ZNF92: variants seen among roughly 807,000 people sequenced by gnomAD.
The protein encoded by ZNF92 is epididymis luminal protein 203.
In ZNF92, 11 loss-of-function variants were observed where a neutral mutation model predicts 12.4. The observed-to-expected ratio is 0.89, with a 90% CI of 0.56 to 1.47. The LOEUF (loss-of-function observed/expected upper bound fraction) is 1.47. Ranked by LOEUF, ZNF92 falls within the 40% of genes most tolerant of loss-of-function variation. ZNF92 has a pLI of 0.00. For missense variants in ZNF92, 622 were observed against 681.0 expected, an observed-to-expected ratio of 0.91 and a Z score of 0.96; for synonymous variants, 206 against 228.6, an observed-to-expected ratio of 0.90 and a Z score of 0.89.
At chr7:65,395,842 A>T (rs1190125577) in intron 3 of ZNF92, among the ~76,000 whole-genome samples, 1 of 152,098 alleles carries the variant, frequency 6.6e-6, no homozygotes, top group African/African-American at 2.4e-5. Flanking sequence ...GATCTTTTTC[A>T]TTCTGTTACT....
chr7:65,384,744 A>C (rs951201674), intron 1 of ZNF92, among the ~76,000 whole-genome samples: 1 of 152,010 alleles, frequency 6.6e-6, no homozygotes, highest in Admixed American at 6.6e-5. Flanking sequence ...ATTTTTCACA[A>C]AAAAAATGAC....
chr7:65,389,309 C>A (rs1297893803), intron 3 of ZNF92, among the ~76,000 whole-genome samples: 2 of 151,948 alleles, frequency 1.3e-5, no homozygotes, highest in Non-Finnish European at 2.9e-5. Context: ...AAAATAGTTT[C>A]TGGGAAGCCT....
Position 65,399,836 on chromosome 7 carries a change from C to T in ZNF92, c.1722C>T (p.Asn574=). The T allele has an allele frequency of 6.3e-7, 1 of 1,596,588 alleles. No individual in the cohort carries two copies. Among genetic ancestry groups the T allele is most frequent in the Non-Finnish European group, 8.5e-7 (1 of 1,172,848 alleles). Residue 574 remains asparagine (N), a synonymous_variant, in exon 4 of 4, where the codon AAC becomes AAT. Transcript: ENST00000328747. ...AACATGAATGTGGCAGAGCCTTTAA[C>T]AAATCCTCAAATTATACTAAAGAGA... is the stretch of plus-strand genomic sequence containing the variant. ...PCKHECGRAF[N]KSSNYTKEKL...
At chr7:65,382,954 A>G (rs1793463213) in intron 1 of ZNF92, among the ~76,000 whole-genome samples, 2 of 152,114 alleles carry the variant, frequency 1.3e-5, no homozygotes, top group African/African-American at 2.4e-5. Context: ...ACTGCTTGCT[A>G]TTGCCACGAG....
chr7:65,399,290 G>A lies in ZNF92; in HGVS notation c.1176G>A (p.Thr392=), dbSNP rs566012007. ...TTACTAAACATAAAAGAATTCATAC[G>A]GGAGAAAAACCCTACAAATGTGAAG... The part of the protein sequence containing the change: ...STLTKHKRIH[T]GEKPYKCEEC... Residue 392 remains threonine, a synonymous_variant, in exon 4 of 4, where the codon ACG becomes ACA. Transcript: ENST00000328747. 1.8e-5 allele frequency: 27 copies of A among 1,538,570 alleles called. No homozygotes were observed. The East Asian group carries it at 2.7e-4, about 15-fold the overall frequency.
chr7:65,378,078 A>C (rs1489135644), intron 1 of ZNF92, among the ~76,000 whole-genome samples: 1 of 151,442 alleles, frequency 6.6e-6, no homozygotes, highest in Non-Finnish European at 1.5e-5. Context: ...TAGGCCTGGC[A>C]TGGTGGCTCA....
intron 1 of ZNF92, among the ~76,000 whole-genome samples, chr7:65,375,647 A>G (rs1793217846): frequency 6.6e-6 from 1 of 151,858 alleles, no homozygotes; most frequent in South Asian, 2.1e-4. Flanking sequence ...CTGGAGATCG[A>G]GACCATCCTG....
intron 3 of ZNF92, among the ~76,000 whole-genome samples, chr7:65,391,914 C>A (rs1203360302): frequency 6.6e-6 from 1 of 151,976 alleles, no homozygotes; most frequent in Admixed American, 6.6e-5. Context: ...TAGACAAATT[C>A]TTTTTAATGG....
rs10265083 is a variant in ZNF92, at chr7:65,398,479, C to T, written c.365C>T (p.Ala122Val). 309,231 of 1,612,052 alleles carry T rather than the reference C, an allele frequency of 0.19. 35,989 individuals are homozygous for T. The highest frequency in any genetic ancestry group is 0.46 in the African/African-American group (34,102 of 74,758). ...QLRKDHKSVD[A>V]CKVYKGGYNG... ...AGAAAAGACCATAAAAGTGTGGATG[C>T]ATGTAAGGTGTACAAAGGAGGTTAT... is the stretch of plus-strand genomic sequence containing the variant. Residue 122 changes from alanine to valine, a missense_variant, in exon 4 of 4, where the codon GCA (alanine) becomes GTA (valine). Physicochemically the swap from Ala to Val is moderately conservative, Grantham distance 64. Transcript: ENST00000328747.
At chr7:65,397,484 T>G (rs1793872788) in intron 3 of ZNF92, among the ~76,000 whole-genome samples, 1 of 151,962 alleles carries the variant, frequency 6.6e-6, no homozygotes, top group African/African-American at 2.4e-5. Flanking sequence ...TTTCAATTTC[T>G]TTATAACTTT....
chr7:65,374,132 A>G (rs2116322178), intron 1 of ZNF92, 132 bp downstream of exon 1: 1 of 1,290,562 alleles, frequency 7.7e-7, no homozygotes, highest in Non-Finnish European at 1.1e-6. Context: ...TCCTTGGCGC[A>G]GCTCGGCCCT....
At chr7:65,391,098 C>T (rs1383260203) in intron 3 of ZNF92, among the ~76,000 whole-genome samples, 2 of 152,116 alleles carry the variant, frequency 1.3e-5, no homozygotes, top group Admixed American at 6.5e-5. Context: ...AACTCCCTCC[C>T]TGGATCTCAA....
chr7:65,377,134 C>T (rs1308958162), intron 1 of ZNF92, among the ~76,000 whole-genome samples: 1 of 152,064 alleles, frequency 6.6e-6, no homozygotes, highest in Non-Finnish European at 1.5e-5. Context: ...ATGTAAGCAC[C>T]TTAAAATTTC....
Position 65,399,368 on chromosome 7 carries a change from T to G in ZNF92, c.1254T>G (p.Ile418Met), listed in dbSNP as rs1171530705. ...CAACCCTTACTGAACATAAGATAAT[T>G]CATACTGGAGAGAAACCCTACAAAT... ...QSSTLTEHKI[I>M]HTGEKPYKCE... Residue 418 changes from isoleucine (I) to methionine (M), a missense_variant, in exon 4 of 4, where the codon ATT becomes ATG. Physicochemically the swap from Ile to Met is conservative, Grantham distance 10 (BLOSUM62 1). Transcript: ENST00000328747. The G allele has an allele frequency of 6.2e-7, 1 of 1,613,594 alleles. No individual in the cohort carries two copies. The highest frequency in any genetic ancestry group is 8.5e-7 in the Non-Finnish European group (1 of 1,179,804).
chr7:65,385,955 C>G (rs745467033), intron 1 of ZNF92, among the ~76,000 whole-genome samples: 1 of 151,888 alleles, frequency 6.6e-6, no homozygotes, highest in Non-Finnish European at 1.5e-5. Context: ...TTGTGCTTTT[C>G]CTCCCTAATG....
Position 65,398,965 on chromosome 7 carries a change from C to G in ZNF92, c.851C>G (p.Pro284Arg). ...KHKRIHTEEK[P>R]YKCEECGKAF... ...AAAAGAATTCATACAGAAGAGAAAC[C>G]CTACAAATGTGAAGAATGTGGCAAG... Residue 284 changes from proline (P) to arginine (R), a missense_variant, in exon 4 of 4, where the codon CCC becomes CGC. By Grantham distance (103) the Pro-to-Arg change is moderately radical. Transcript: ENST00000328747. 1 of 1,613,250 alleles carries G rather than the reference C, an allele frequency of 6.2e-7. No homozygotes were observed. Among genetic ancestry groups the G allele is most frequent in the Non-Finnish European group, 8.5e-7 (1 of 1,179,724 alleles).
In ZNF92 at chr7:65,387,826, T is replaced by G. The variant is rs1793612873; in HGVS notation, c.4-76T>G. 2.1e-6 allele frequency: 3 copies of G among 1,460,960 alleles called. No homozygotes were observed. In the Admixed American group the frequency reaches 7.3e-5, roughly 35 times the overall value. 90.5% of individuals were successfully genotyped at this position (1,460,960 alleles called of 1,614,324 possible). ...TTCTCTTTACTCTTTCATTTCACCT[T>G]AAGTCAAATAAAAAATTCTGCCCAT... On this transcript the variant is annotated intron_variant, in intron 1 of 3. Transcript: ENST00000328747.
chr7:65,390,764 A>G (rs932238394), intron 3 of ZNF92, among the ~76,000 whole-genome samples: 6 of 152,152 alleles, frequency 3.9e-5, no homozygotes, highest in Middle Eastern at 3.4e-3. Context: ...ATAACTGGCC[A>G]TAAACTGTGG....
At chr7:65,386,621 A>T (rs1793571923) in intron 1 of ZNF92, among the ~76,000 whole-genome samples, 1 of 152,060 alleles carries the variant, frequency 6.6e-6, no homozygotes, top group Non-Finnish European at 1.5e-5. Context: ...TTATTAGGAG[A>T]TATATGTTGT....
Sources: gnomAD v4.1 joint callset for allele counts (sites outside exome capture counted in the v4.1 genomes callset) on GRCh38, gnomAD v4.1.1 for gene constraint, MANE v1.5 for transcripts, NCBI Gene and HGNC (gene_info 2026-07-23, HGNC 2026-07-21) for gene names.